PLXNA4: variants seen among roughly 807,000 people sequenced by gnomAD.
PLXNA4 encodes the protein plexin A4, also known as plexin-A4.
A neutral mutation model predicts 191.8 loss-of-function variants in PLXNA4; 44 were observed. The ratio of observed to expected loss-of-function variants is 0.23; its 90% CI spans 0.18 to 0.29. The LOEUF is 0.29. Ranked by LOEUF, PLXNA4 falls within the 10% of genes least tolerant of loss-of-function variation. PLXNA4 has a pLI of 1.00. For synonymous variants in PLXNA4, 1,082 were observed against 1,009.5 expected (o/e 1.07, Z -1.36); for missense variants, 1,800 against 2,488.8 (o/e 0.72, Z 5.89).
chr7:132,457,517 A>G (rs1025915388), intron 3 of PLXNA4, among the ~76,000 whole-genome samples: 11 of 152,196 alleles, frequency 7.2e-5, no homozygotes, highest in African/African-American at 2.7e-4. Flanking sequence ...GGTTCTGAGG[A>G]TGACATGGTG....
chr7:132,202,939 G>T (rs1274926237), intron 11 of PLXNA4, 103 bp from the exon 12 acceptor site: 4 of 1,238,756 alleles, frequency 3.2e-6, no homozygotes, highest in Non-Finnish European at 4.3e-6. Flanking sequence ...TGGGGTGATG[G>T]GGCACAAAGG....
intron 3 of PLXNA4, among the ~76,000 whole-genome samples, chr7:132,338,375 T>C (rs1223673255): frequency 2.0e-5 from 3 of 152,148 alleles, no homozygotes; most frequent in Non-Finnish European, 4.4e-5. Context: ...TAAAATCCAC[T>C]GATGAAAGGC....
rs1031805803 is a variant in PLXNA4, at chr7:132,140,942, G to A, written c.5226-131C>T. The stretch of plus-strand genomic sequence containing the variant: ...AACTTAAGAGCCTTCTCTATGCTGC[G>A]GATGGGATGTGCCAGGGAAGGGAGG... On this transcript the variant is annotated intron_variant, in intron 29 of 31. Coordinates refer to ENST00000321063, the MANE Select transcript of PLXNA4 (RefSeq NM_020911.2). 2.4e-5 allele frequency: 34 copies of A among 1,444,144 alleles called. 1 individual carries two copies. The highest frequency in any genetic ancestry group is 1.1e-4 in the South Asian group (8 of 69,808). The allele number at this position is 1,444,144 out of a possible 1,614,324, so 89.5% of individuals were successfully genotyped here.
chr7:132,205,736 G>C (rs1797595068), intron 10 of PLXNA4, among the ~76,000 whole-genome samples: 11 of 152,214 alleles, frequency 7.2e-5, no homozygotes, highest in Non-Finnish European at 2.9e-5. Flanking sequence ...GGGGCAGGCT[G>C]AGCTCTGACC....
At chr7:132,457,642 T>C (rs1447260151) in intron 3 of PLXNA4, among the ~76,000 whole-genome samples, 1 of 152,202 alleles carries the variant, frequency 6.6e-6, no homozygotes, top group Non-Finnish European at 1.5e-5. Flanking sequence ...GCATATGTGA[T>C]TGAGTTGAGG....
chr7:132,592,076 TGA>T (rs1802613547), intron 2 of PLXNA4, among the ~76,000 whole-genome samples: 1 of 152,186 alleles, frequency 6.6e-6, no homozygotes, highest in South Asian at 2.1e-4. Context: ...CGCCAGCTCA[TGA>T]GGTGAAAGTC....
chr7:132,310,667 C>T (rs1801693760), intron 3 of PLXNA4, among the ~76,000 whole-genome samples: 1 of 152,198 alleles, frequency 6.6e-6, no homozygotes, highest in Non-Finnish European at 1.5e-5. Flanking sequence ...AGCCCCCAGG[C>T]ACTGTTCTGC....
rs751303312 is a variant in PLXNA4, at chr7:132,507,900, G to C, written c.794C>G (p.Ser265Cys). 6.2e-7 allele frequency: 1 copy of C among 1,614,064 alleles called. No homozygotes were observed. Among genetic ancestry groups the C allele is most frequent in the East Asian group, 2.2e-5 (1 of 44,894 alleles). ...CTCCTTGGTGGTGGAGCCTGGTGGA[G>C]ACACCATCTCAGGTTGGAGGGTCAA... ...YFLTLQPEMV[S>C]PPGSTTKEQV... Residue 265 changes from serine to cysteine, a missense_variant, in exon 2 of 32, where the codon TCT becomes TGT. Physicochemically the swap from Ser to Cys is moderately radical, Grantham distance 112. Transcript: ENST00000321063.
intron 9 of PLXNA4, among the ~76,000 whole-genome samples, chr7:132,217,200 G>C (rs956112746): frequency 6.6e-6 from 1 of 152,184 alleles, no homozygotes. Context: ...CAGAGGGCAG[G>C]AACACGAAGC....
At chr7:132,620,094 G>A (rs970614692) in intron 2 of PLXNA4, among the ~76,000 whole-genome samples, 3 of 152,186 alleles carry the variant, frequency 2.0e-5, no homozygotes, top group African/African-American at 4.8e-5. Flanking sequence ...GAGCCACCGC[G>A]CCTGGCCCAT....
intron 3 of PLXNA4, among the ~76,000 whole-genome samples, chr7:132,421,973 G>A (rs1029853055): frequency 6.6e-6 from 1 of 152,192 alleles, no homozygotes; most frequent in African/African-American, 2.4e-5. Context: ...ATCAAATGAT[G>A]CTTCTAAAAT....
At position 132,313,134 on chromosome 7, in the gene PLXNA4, A is replaced by G. The variant is rs951155740; in HGVS notation, c.1372-14912T>C. ...AACCTCCCTCTCTGCCTACCTCACT[A>G]TACCTATGTCCCCATCACTTTTCCT... On this transcript the variant is annotated intron_variant, in intron 3 of 31. Coordinates refer to ENST00000321063, the MANE Select transcript of PLXNA4 (RefSeq NM_020911.2). Among the ~76,000 whole-genome samples, 7 of 152,156 alleles carry G rather than the reference A, an allele frequency of 4.6e-5. No individual in the cohort carries two copies. The East Asian group carries it at 1.3e-3, about 29-fold the overall frequency.
chr7:132,161,122 C>A (rs1657801143), intron 24 of PLXNA4, among the ~76,000 whole-genome samples: 1 of 152,222 alleles, frequency 6.6e-6, no homozygotes, highest in Admixed American at 6.5e-5. Flanking sequence ...GCTGTTCTGG[C>A]AGCCCCTGCT....
chr7:132,508,743 C>T lies in PLXNA4; in HGVS notation c.-50G>A. The T allele has an allele frequency of 6.8e-7, 1 of 1,459,950 alleles. No homozygotes were observed. 90.4% of individuals were successfully genotyped at this position (1,459,950 alleles called of 1,614,324 possible). On this transcript the variant is annotated 5_prime_UTR_variant, in exon 2 of 32. Transcript: ENST00000321063. The surrounding 1 kb of genome is among the most constrained non-coding windows in gnomAD (Gnocchi z 4.4). ...AGCAGCACTCAGGCACAGTCGTCCC[C>T]TCAGAGGGCCAGGACTCAGCAATGC...
chr7:132,207,468 C>T (rs1372263833), intron 10 of PLXNA4, among the ~76,000 whole-genome samples: 1 of 152,188 alleles, frequency 6.6e-6, no homozygotes, highest in Non-Finnish European at 1.5e-5. Flanking sequence ...TTTCCTAGAG[C>T]ATTGGTCTAA....
At chr7:132,385,542 T>C (rs1786655440) in intron 3 of PLXNA4, among the ~76,000 whole-genome samples, 1 of 152,202 alleles carries the variant, frequency 6.6e-6, no homozygotes, top group African/African-American at 2.4e-5. Context: ...CCACGGATGT[T>C]ACACCCGGCC....
At chr7:132,232,079 G>T (rs1281188222) in intron 5 of PLXNA4, among the ~76,000 whole-genome samples, 2 of 152,146 alleles carry the variant, frequency 1.3e-5, no homozygotes, top group African/African-American at 4.8e-5. Flanking sequence ...AATTCCTGCT[G>T]GTTTCTTGTG....
chr7:132,328,082 C>G (rs1417496429), intron 3 of PLXNA4, among the ~76,000 whole-genome samples: 2 of 152,216 alleles, frequency 1.3e-5, no homozygotes, highest in Non-Finnish European at 2.9e-5. Context: ...TCGTTCCGCT[C>G]TGGCAGCCCA....
chr7:132,561,584 TTCC>T (rs1321439531), intron 1 of PLXNA4, among the ~76,000 whole-genome samples: 1 of 68,156 alleles, frequency 1.5e-5, no homozygotes, highest in Non-Finnish European at 2.8e-5. Flanking sequence ...CCTCCTCCTC[TTCC>T]TCCTTCTCTT....
Sources: allele counts gnomAD v4.1 joint callset (sites outside exome capture counted in the v4.1 genomes callset), GRCh38; gene constraint gnomAD v4.1.1; non-coding constraint Gnocchi (gnomAD v3.1); transcripts MANE v1.5; gene names NCBI Gene and HGNC (gene_info 2026-07-23, HGNC 2026-07-21).